The following WARS1 variants were observed in gnomAD, a reference collection of about 807,000 sequenced individuals.
WARS1 encodes tryptophan--tRNA ligase, cytoplasmic.
In WARS1, 17 loss-of-function variants were observed where a neutral mutation model predicts 47.8. The ratio of observed to expected loss-of-function variants is 0.36; its 90% CI spans 0.24 to 0.53. The LOEUF (loss-of-function observed/expected upper bound fraction) is 0.53, where lower values mean the gene tolerates loss of function less well. Ranked by LOEUF, WARS1 falls within the 20% of genes least tolerant of loss-of-function variation. The pLI, the probability that WARS1 is intolerant of heterozygous loss-of-function variation, is 0.91. For missense variants in WARS1, 434 were observed against 608.0 expected, an observed-to-expected ratio of 0.71 and a Z score of 3.01; for synonymous variants, 208 against 228.1, an observed-to-expected ratio of 0.91 and a Z score of 0.79.
intron 4 of WARS1, among the ~76,000 whole-genome samples, chr14:100,354,935 C>G (rs1007842708): frequency 3.3e-5 from 5 of 152,300 alleles, no homozygotes; most frequent in Admixed American, 3.3e-4. Context: ...AATCACCCAG[C>G]CCCGAGGACT....
intron 6 of WARS1, among the ~76,000 whole-genome samples, chr14:100,351,558 C>T (rs1424159664): frequency 6.6e-6 from 1 of 151,880 alleles, no homozygotes; most frequent in East Asian, 1.9e-4. Context: ...CTTGTTTGAT[C>T]CCATTTCATG....
Position 100,361,732 on chromosome 14 carries a change from C to T in WARS1, c.289G>A (p.Gly97Ser). The T allele has an allele frequency of 6.2e-7, 1 of 1,614,116 alleles. No individual in the cohort carries two copies. The highest frequency in any genetic ancestry group is 8.5e-7 in the Non-Finnish European group (1 of 1,180,022). ...CCAATGAGCTTATCGTAGTCTATGC[C>T]TTTTGCACTGCTTGTCTGTACTGTC... ...PWTVQTSSAK[G>S]IDYDKLIVRF... The change falls in exon 3 of 11, where the codon GGC (glycine) becomes AGC (serine). Residue 97 changes from glycine to serine, a missense_variant. This residue lies in a region of WARS1 where 347 missense variants were observed against 523.8 expected (regional missense o/e 0.66). Coordinates refer to ENST00000392882, the MANE Select transcript of WARS1 (RefSeq NM_004184.4).
chr14:100,334,900 C>T lies in WARS1; in HGVS notation c.1391G>A (p.Arg464Gln). The T allele has an allele frequency of 2.5e-6, 4 of 1,614,102 alleles. No homozygotes were observed. Among genetic ancestry groups the T allele is most frequent in the Non-Finnish European group, 3.4e-6 (4 of 1,179,992 alleles). The change falls in exon 11 of 11, where the codon CGG becomes CAG. Residue 464 changes from arginine (R) to glutamine (Q), a missense_variant. Physicochemically the swap from Arg to Gln is conservative, Grantham distance 43. Coordinates refer to ENST00000392882, the MANE Select transcript of WARS1 (RefSeq NM_004184.4). ...CTACTGAAAGTCGAAGGACAGCTTC[C>T]GGGGAGTCATGAACTCTTTCACTAT... ...DEIVKEFMTP[R>Q]KLSFDFQ
At chr14:100,366,316 T>C (rs1895990685) in intron 2 of WARS1, among the ~76,000 whole-genome samples, 1 of 152,110 alleles carries the variant, frequency 6.6e-6, no homozygotes, top group Admixed American at 6.5e-5. Flanking sequence ...TCTAAAGACC[T>C]TGACACGAAA....
chr14:100,361,819 C>T lies in WARS1; in HGVS notation c.202G>A (p.Ala68Thr), dbSNP rs1368552198. The change falls in exon 3 of 11, where the codon GCA becomes ACA. Residue 68 changes from alanine to threonine, a missense_variant. This residue lies in a region of WARS1 where 87 missense variants were observed against 84.2 expected (regional missense o/e 1.03). Transcript: ENST00000392882. ...YKADCPPGNP[A>T]PTSNHGPDAT... ...TCTGGGCCATGATTACTGGTAGGTG[C>T]TGGGTTCCCTGGAGGACAGTCAGCC... 1 of 1,614,208 alleles carries T rather than the reference C, an allele frequency of 6.2e-7. No individual in the cohort carries two copies. Among genetic ancestry groups the T allele is most frequent in the Non-Finnish European group, 8.5e-7 (1 of 1,180,040 alleles).
At chr14:100,348,514 T>G (rs1206797945) in intron 6 of WARS1, among the ~76,000 whole-genome samples, 1 of 152,108 alleles carries the variant, frequency 6.6e-6, no homozygotes, top group African/African-American at 2.4e-5. Flanking sequence ...TGTCACCCAC[T>G]CAGCACAATG....
In WARS1 at chr14:100,335,052, C is replaced by T. The variant is rs771946654; in HGVS notation, c.1255-16G>A. On this transcript the variant is annotated splice_polypyrimidine_tract_variant and intron_variant, in intron 10 of 10. Transcript: ENST00000392882. ...TGGTGTAATCCTGCCCGGAGGGAGA[C>T]AGCCACGTGAGAGATGGCTCCACAT... 12 of 1,609,888 alleles carry T rather than the reference C, an allele frequency of 7.5e-6. No individual in the cohort carries two copies. The highest frequency in any genetic ancestry group is 8.5e-6 in the Non-Finnish European group (10 of 1,177,096).
chr14:100,344,423 CG>C (rs1894390942), intron 7 of WARS1, among the ~76,000 whole-genome samples: 2 of 152,014 alleles, frequency 1.3e-5, no homozygotes, highest in Admixed American at 1.3e-4. Context: ...GGTGTGATCT[CG>C]GCTCGCTACA....
At chr14:100,335,447 A>G (rs1893655838) in intron 10 of WARS1, among the ~76,000 whole-genome samples, 1 of 151,290 alleles carries the variant, frequency 6.6e-6, no homozygotes, top group African/African-American at 2.4e-5. Context: ...GCATGATCTC[A>G]GCTCACTGCA....
At chr14:100,369,054 T>G (rs770088021) in intron 2 of WARS1, 33 bp downstream of exon 2, 28 of 1,475,576 alleles carry the variant, frequency 1.9e-5, no homozygotes, top group Non-Finnish European at 2.5e-5. Flanking sequence ...GAGGCTCAGC[T>G]GCCTTCGTGG....
intron 6 of WARS1, among the ~76,000 whole-genome samples, chr14:100,348,377 A>T (rs570846016): frequency 2.6e-5 from 2 of 77,496 alleles, no homozygotes; most frequent in East Asian, 1.0e-3. Context: ...CAGGTTGAGC[A>T]GAGGCAGCAC....
At chr14:100,354,301 A>C in intron 5 of WARS1, 146 bp downstream of exon 5, 1 of 1,235,226 alleles carries the variant, frequency 8.1e-7, no homozygotes, top group East Asian at 2.5e-5. Flanking sequence ...GAACAAAGTG[A>C]ATGGAAGCCA....
Position 100,353,748 on chromosome 14 carries a change from T to C in WARS1, c.664A>G (p.Ile222Val). 6.2e-7 allele frequency: 1 copy of C among 1,614,212 alleles called. No homozygotes were observed. Among genetic ancestry groups the C allele is most frequent in the Non-Finnish European group, 8.5e-7 (1 of 1,180,040 alleles). Reference protein sequence around the residue: ...YSYAVENAKDIIACGFDINKT... With the variant: ...YSYAVENAKDVIACGFDINKT... Reference sequence around the variant, plus strand: ...TTGATGTCAAAGCCACAGGCGATGATGTCCTTGGCATTCTCCACAGCATAG... The same window carrying C: ...TTGATGTCAAAGCCACAGGCGATGACGTCCTTGGCATTCTCCACAGCATAG... Residue 222 changes from isoleucine to valine, a missense_variant, in exon 6 of 11, where the codon ATC becomes GTC. This residue lies in a region of WARS1 where 347 missense variants were observed against 523.8 expected (regional missense o/e 0.66). Coordinates refer to ENST00000392882, the MANE Select transcript of WARS1 (RefSeq NM_004184.4).
intron 1 of WARS1, chr14:100,374,975 GGGTGTCACAATAAGAATGA>G (rs1896565851): frequency 1.3e-5 from 2 of 152,162 alleles, no homozygotes; most frequent in Non-Finnish European, 1.5e-5. Context: ...AGACACTTTT[GGGTGTCACAATAAGAATGA>G]CAATACGTTC....
At chr14:100,365,620 A>G (rs1426516149) in intron 2 of WARS1, 2 of 180,294 alleles carry the variant, frequency 1.1e-5, no homozygotes, top group African/African-American at 4.8e-5. Context: ...GTCATGGAGA[A>G]GCCGGAGTGG....
chr14:100,346,185 A>AT (rs1894610270), intron 7 of WARS1, among the ~76,000 whole-genome samples: 1 of 152,192 alleles, frequency 6.6e-6, no homozygotes, highest in Non-Finnish European at 1.5e-5. Context: ...GGAGAGGGCC[A>AT]TGAAGGCATG....
intron 6 of WARS1, among the ~76,000 whole-genome samples, chr14:100,347,642 T>A (rs1366343434): frequency 6.6e-6 from 1 of 152,142 alleles, no homozygotes. Flanking sequence ...AGTGGCATGA[T>A]CTTGGCTCAC....
chr14:100,372,439 T>C (rs1233239393), intron 1 of WARS1, among the ~76,000 whole-genome samples: 1 of 152,242 alleles, frequency 6.6e-6, no homozygotes, highest in African/African-American at 2.4e-5. Context: ...TCCTCCTTGA[T>C]GAGAACCACC....
At chr14:100,342,110 T>C (rs1451329727) in intron 9 of WARS1, 1 of 398,840 alleles carries the variant, frequency 2.5e-6, no homozygotes, top group African/African-American at 2.0e-5. Context: ...TGCCATGACT[T>C]TGCCTGCAGA....
Sources: gnomAD v4.1 joint callset for allele counts (sites outside exome capture counted in the v4.1 genomes callset) on GRCh38, gnomAD v4.1.1 for gene constraint, gnomAD v4.1.1 regional missense constraint, MANE v1.5 for transcripts, NCBI Gene and HGNC (gene_info 2026-07-23, HGNC 2026-07-21) for gene names.